H2BC6: variants seen among roughly 807,000 people sequenced by gnomAD.
H2BC6 encodes H2B clustered histone 6.
Under a neutral mutation model 6.1 loss-of-function variants are expected in H2BC6, and 8 were observed. That is an observed-to-expected ratio of 1.31 (90% CI 0.77 to 2.36). The LOEUF (loss-of-function observed/expected upper bound fraction) is 2.36. H2BC6 is among the 30% of genes most tolerant of loss of function. The pLI, the probability that H2BC6 is intolerant of heterozygous loss-of-function variation, is 0.00. For missense variants in H2BC6, 212 were observed against 169.9 expected (o/e 1.25, Z -1.38); for synonymous variants, 136 against 73.9 (o/e 1.84, Z -4.31).
In H2BC6 at chr6:26,184,104, T is replaced by A; in HGVS notation, c.309T>A (p.Leu103=). ...REIQTAVRLL[L]PGELAKHAVS... ...TCCAGACGGCCGTGCGCCTGCTGCT[T>A]CCCGGGGAGCTGGCCAAGCACGCTG... Residue 103 remains leucine (L), a synonymous_variant, in exon 1 of 1, where the codon CTT becomes CTA. Transcript: ENST00000614097. 2 of 1,614,182 alleles carry A rather than the reference T, an allele frequency of 1.2e-6. No homozygotes were observed. The highest frequency in any genetic ancestry group is 1.7e-6 in the Non-Finnish European group (2 of 1,180,036).
At position 26,184,034 on chromosome 6, in the gene H2BC6, G is replaced by A; in HGVS notation, c.239G>A (p.Arg80His). ...GAGCGCATCGCCGGCGAGGCTTCCC[G>A]CCTGGCGCATTACAACAAGCGCTCG... is the stretch of plus-strand genomic sequence containing the variant. ...IFERIAGEAS[R>H]LAHYNKRSTI... Residue 80 changes from arginine (R) to histidine (H), a missense_variant, in exon 1 of 1, where the codon CGC becomes CAC. Coordinates refer to ENST00000614097, the MANE Select transcript of H2BC6 (RefSeq NM_003523.3). 1 of 1,614,178 alleles carries A rather than the reference G, an allele frequency of 6.2e-7. No individual in the cohort carries two copies. Among genetic ancestry groups the A allele is most frequent in the African/African-American group, 1.3e-5 (1 of 75,048 alleles).
In H2BC6 at chr6:26,183,976, G is replaced by A. The variant is rs781085099; in HGVS notation, c.181G>A (p.Gly61Arg). 8 of 1,614,264 alleles carry A rather than the reference G, an allele frequency of 5.0e-6. No homozygotes were observed. Among genetic ancestry groups the A allele is most frequent in the Non-Finnish European group, 6.8e-6 (8 of 1,180,046 alleles). Reference sequence around the variant, plus strand: ...CACCGGCATCTCCTCTAAAGCCATGGGGATCATGAATTCCTTTGTCAACGA... The same window carrying A: ...CACCGGCATCTCCTCTAAAGCCATGAGGATCATGAATTCCTTTGTCAACGA... The part of the protein sequence containing the change: ...PDTGISSKAM[G>R]IMNSFVNDIF... Residue 61 changes from glycine to arginine, a missense_variant, in exon 1 of 1, where the codon GGG (glycine) becomes AGG (arginine). Gly to Arg is a moderately radical substitution (Grantham distance 125). Coordinates refer to ENST00000614097, the MANE Select transcript of H2BC6 (RefSeq NM_003523.3).
rs143792250 is a variant in H2BC6 at position 26,184,080 on chromosome 6, C to A, written c.285C>A (p.Ile95=). Residue 95 remains isoleucine, a synonymous_variant, in exon 1 of 1, where the codon ATC becomes ATA. Coordinates refer to ENST00000614097, the MANE Select transcript of H2BC6 (RefSeq NM_003523.3). Reference sequence around the variant, plus strand: ...GCTCGACCATCACCTCCAGGGAGATCCAGACGGCCGTGCGCCTGCTGCTTC... The same window carrying A: ...GCTCGACCATCACCTCCAGGGAGATACAGACGGCCGTGCGCCTGCTGCTTC... ...NKRSTITSRE[I]QTAVRLLLPG... The A allele has an allele frequency of 4.2e-5, 67 of 1,614,118 alleles. No individual in the cohort carries two copies. Among genetic ancestry groups the A allele is most frequent in the South Asian group, 3.0e-4 (27 of 91,088 alleles).
rs764880184 is a variant in H2BC6, at chr6:26,183,876, C to T, written c.81C>T (p.Gly27=). 18 of 1,614,226 alleles carry T rather than the reference C, an allele frequency of 1.1e-5. No homozygotes were observed. In the Middle Eastern group the frequency reaches 9.9e-4, roughly 89 times the overall value. Residue 27 remains glycine (G), a synonymous_variant, in exon 1 of 1, where the codon GGC becomes GGT. Coordinates refer to ENST00000614097, the MANE Select transcript of H2BC6 (RefSeq NM_003523.3). ...KAVTKAQKKD[G]KKRKRSRKES... ...TGACCAAGGCGCAGAAGAAGGACGG[C>T]AAGAAGCGCAAGCGCAGCCGCAAGG...
Position 26,184,223 on chromosome 6 carries a change from G to A in H2BC6, c.*47G>A, listed in dbSNP as rs1196496684. On this transcript the variant is annotated 3_prime_UTR_variant, in exon 1 of 1. Coordinates refer to ENST00000614097, the MANE Select transcript of H2BC6 (RefSeq NM_003523.3). ...AGTAAACCCAAAGGCTCTTTTCAGA[G>A]CCACTCACCTTTTCACAATTGGAGC... The A allele has an allele frequency of 1.7e-5, 27 of 1,596,848 alleles. No homozygotes were observed. Among genetic ancestry groups the A allele is most frequent in the Non-Finnish European group, 2.1e-5 (25 of 1,172,460 alleles).
rs748248883 is a variant in H2BC6, at chr6:26,183,843, G to A, written c.48G>A (p.Lys16=). ...CTCCCGCCCCGAAGAAGGGCTCCAA[G>A]AAGGCCGTGACCAAGGCGCAGAAGA... The part of the protein sequence containing the change: ...KSAPAPKKGS[K]KAVTKAQKKD... Residue 16 remains lysine, a synonymous_variant, in exon 1 of 1, where the codon AAG becomes AAA. Coordinates refer to ENST00000614097, the MANE Select transcript of H2BC6 (RefSeq NM_003523.3). 1.4e-5 allele frequency: 23 copies of A among 1,614,126 alleles called. No homozygotes were observed. The highest frequency in any genetic ancestry group is 2.2e-5 in the South Asian group (2 of 91,096).
At position 26,183,805 on chromosome 6, in the gene H2BC6, C is replaced by G. The variant is rs201385344; in HGVS notation, c.10C>G (p.Pro4Ala). The G allele has an allele frequency of 6.2e-7, 1 of 1,614,008 alleles. No homozygotes were observed. The highest frequency in any genetic ancestry group is 1.3e-5 in the African/African-American group (1 of 74,912). The change falls in exon 1 of 1, where the codon CCA becomes GCA. Residue 4 changes from proline (P) to alanine (A), a missense_variant. Pro to Ala is a conservative substitution (Grantham distance 27). Coordinates refer to ENST00000614097, the MANE Select transcript of H2BC6 (RefSeq NM_003523.3). Reference sequence around the variant, plus strand: ...GAACAGCAAAGATAGCATGCCTGAGCCAGCGAAATCCGCTCCCGCCCCGAA... The same window carrying G: ...GAACAGCAAAGATAGCATGCCTGAGGCAGCGAAATCCGCTCCCGCCCCGAA... MPE[P>A]AKSAPAPKKG...
At position 26,183,894 on chromosome 6, in the gene H2BC6, C is replaced by T. The variant is rs757397758; in HGVS notation, c.99C>T (p.Ser33=). ...AGGACGGCAAGAAGCGCAAGCGCAGCCGCAAGGAGAGCTACTCCGTATACG... is the reference window on the plus strand; with the variant it reads ...AGGACGGCAAGAAGCGCAAGCGCAGTCGCAAGGAGAGCTACTCCGTATACG... The part of the protein sequence containing the change: ...QKKDGKKRKR[S]RKESYSVYVY... Residue 33 remains serine (S), a synonymous_variant, in exon 1 of 1, where the codon AGC becomes AGT. Coordinates refer to ENST00000614097, the MANE Select transcript of H2BC6 (RefSeq NM_003523.3). 18 of 1,614,272 alleles carry T rather than the reference C, an allele frequency of 1.1e-5. No homozygotes were observed. Among genetic ancestry groups the T allele is most frequent in the Non-Finnish European group, 1.4e-5 (17 of 1,180,050 alleles).
chr6:26,183,984 G>C lies in H2BC6; in HGVS notation c.189G>C (p.Met63Ile). Residue 63 changes from methionine to isoleucine, a missense_variant, in exon 1 of 1, where the codon ATG (methionine) becomes ATC (isoleucine). Coordinates refer to ENST00000614097, the MANE Select transcript of H2BC6 (RefSeq NM_003523.3). ...TGISSKAMGI[M>I]NSFVNDIFER... The stretch of plus-strand genomic sequence containing the variant: ...TCTCCTCTAAAGCCATGGGGATCAT[G>C]AATTCCTTTGTCAACGACATCTTCG... 6 of 1,614,244 alleles carry C rather than the reference G, an allele frequency of 3.7e-6. No homozygotes were observed. The highest frequency in any genetic ancestry group is 5.1e-6 in the Non-Finnish European group (6 of 1,180,046).
Position 26,183,769 on chromosome 6 carries a change from T to C in H2BC6, c.-27T>C. 1.2e-6 allele frequency: 2 copies of C among 1,606,872 alleles called. No homozygotes were observed. Among genetic ancestry groups the C allele is most frequent in the African/African-American group, 1.3e-5 (1 of 74,418 alleles). ...CAGGAGATGTAGATTTCATTTTCTT[T>C]CCTAACTGCAGAACAGCAAAGATAG... On this transcript the variant is annotated 5_prime_UTR_variant, in exon 1 of 1. Coordinates refer to ENST00000614097, the MANE Select transcript of H2BC6 (RefSeq NM_003523.3).
chr6:26,183,772 T>A lies in H2BC6; in HGVS notation c.-24T>A, dbSNP rs994528748. The A allele has an allele frequency of 6.2e-7, 1 of 1,608,110 alleles. No individual in the cohort carries two copies. Among genetic ancestry groups the A allele is most frequent in the African/African-American group, 1.3e-5 (1 of 74,522 alleles). ...GAGATGTAGATTTCATTTTCTTTCC[T>A]AACTGCAGAACAGCAAAGATAGCAT... On this transcript the variant is annotated 5_prime_UTR_variant, in exon 1 of 1. Transcript: ENST00000614097.
rs776216134 is a variant in H2BC6 at position 26,183,944 on chromosome 6, A to G, written c.149A>G (p.His50Arg). 6.2e-7 allele frequency: 1 copy of G among 1,614,198 alleles called. No homozygotes were observed. Residue 50 changes from histidine (H) to arginine (R), a missense_variant, in exon 1 of 1, where the codon CAC becomes CGC. Coordinates refer to ENST00000614097, the MANE Select transcript of H2BC6 (RefSeq NM_003523.3). ...VYVYKVLKQV[H>R]PDTGISSKAM... ...GTGTACAAGGTGCTGAAACAGGTCCACCCCGACACCGGCATCTCCTCTAAA... is the reference window on the plus strand; with the variant it reads ...GTGTACAAGGTGCTGAAACAGGTCCGCCCCGACACCGGCATCTCCTCTAAA...
rs1193515924 is a variant in H2BC6 at position 26,183,859 on chromosome 6, G to C, written c.64G>C (p.Ala22Pro). The C allele has an allele frequency of 1.9e-6, 3 of 1,614,112 alleles. No homozygotes were observed. The highest frequency in any genetic ancestry group is 2.5e-6 in the Non-Finnish European group (3 of 1,180,042). ...KKGSKKAVTK[A>P]QKKDGKKRKR... is the part of the protein sequence containing the mutation. ...GGGCTCCAAGAAGGCCGTGACCAAG[G>C]CGCAGAAGAAGGACGGCAAGAAGCG... The change falls in exon 1 of 1, where the codon GCG (alanine) becomes CCG (proline). Residue 22 changes from alanine to proline, a missense_variant. By Grantham distance (27) the Ala-to-Pro change is conservative (BLOSUM62 -1). Transcript: ENST00000614097.
chr6:26,183,862 C>T lies in H2BC6; in HGVS notation c.67C>T (p.Gln23Ter), dbSNP rs760309477. Residue 23 changes from glutamine (Q) to a stop codon, truncating the protein, a stop_gained, in exon 1 of 1, where the codon CAG becomes TAG. Transcript: ENST00000614097. LOFTEE classifies it high-confidence loss of function. ...CTCCAAGAAGGCCGTGACCAAGGCG[C>T]AGAAGAAGGACGGCAAGAAGCGCAA... The part of the protein sequence containing the change: ...KGSKKAVTKA[Q>*]KKDGKKRKRS... 1.1e-5 allele frequency: 17 copies of T among 1,614,110 alleles called. No homozygotes were observed. Among genetic ancestry groups the T allele is most frequent in the Admixed American group, 5.0e-5 (3 of 60,004 alleles).
At position 26,184,119 on chromosome 6, in the gene H2BC6, C is replaced by T. The variant is rs753085597; in HGVS notation, c.324C>T (p.Ala108=). The T allele has an allele frequency of 1.9e-6, 3 of 1,614,242 alleles. No individual in the cohort carries two copies. Among genetic ancestry groups the T allele is most frequent in the East Asian group, 2.2e-5 (1 of 44,886 alleles). Reference sequence around the variant, plus strand: ...GCCTGCTGCTTCCCGGGGAGCTGGCCAAGCACGCTGTGTCAGAGGGCACCA... The same window carrying T: ...GCCTGCTGCTTCCCGGGGAGCTGGCTAAGCACGCTGTGTCAGAGGGCACCA... ...AVRLLLPGEL[A]KHAVSEGTKA... is the part of the protein sequence containing the mutation. Residue 108 remains alanine (A), a synonymous_variant, in exon 1 of 1, where the codon GCC becomes GCT. Transcript: ENST00000614097.
chr6:26,184,197 T>C lies in H2BC6; in HGVS notation c.*21T>C, dbSNP rs1391520052. 2 of 1,612,698 alleles carry C rather than the reference T, an allele frequency of 1.2e-6. No individual in the cohort carries two copies. Among genetic ancestry groups the C allele is most frequent in the Non-Finnish European group, 1.7e-6 (2 of 1,179,438 alleles). The stretch of plus-strand genomic sequence containing the variant: ...AGTAAACTTGTCCCTGCAACTGCCT[T>C]AGTAAACCCAAAGGCTCTTTTCAGA... On this transcript the variant is annotated 3_prime_UTR_variant, in exon 1 of 1. Transcript: ENST00000614097.
At position 26,183,986 on chromosome 6, in the gene H2BC6, A is replaced by G. The variant is rs1381668292; in HGVS notation, c.191A>G (p.Asn64Ser). The G allele has an allele frequency of 1.2e-6, 2 of 1,614,248 alleles. No homozygotes were observed. The highest frequency in any genetic ancestry group is 1.1e-5 in the South Asian group (1 of 91,086). ...TCCTCTAAAGCCATGGGGATCATGA[A>G]TTCCTTTGTCAACGACATCTTCGAG... ...GISSKAMGIM[N>S]SFVNDIFERI... Residue 64 changes from asparagine (N) to serine (S), a missense_variant, in exon 1 of 1, where the codon AAT becomes AGT. Transcript: ENST00000614097.
chr6:26,183,785 G>A lies in H2BC6; in HGVS notation c.-11G>A, dbSNP rs114173719. Reference sequence around the variant, plus strand: ...CATTTTCTTTCCTAACTGCAGAACAGCAAAGATAGCATGCCTGAGCCAGCG... The same window carrying A: ...CATTTTCTTTCCTAACTGCAGAACAACAAAGATAGCATGCCTGAGCCAGCG... On this transcript the variant is annotated 5_prime_UTR_variant, in exon 1 of 1. Coordinates refer to ENST00000614097, the MANE Select transcript of H2BC6 (RefSeq NM_003523.3). 553 of 1,613,888 alleles carry A rather than the reference G, an allele frequency of 3.4e-4. No individual in the cohort carries two copies. In the African/African-American group the frequency reaches 3.7e-3, roughly 11 times the overall value.
chr6:26,183,872 A>T lies in H2BC6; in HGVS notation c.77A>T (p.Asp26Val). 1 of 1,614,254 alleles carries T rather than the reference A, an allele frequency of 6.2e-7. No individual in the cohort carries two copies. The highest frequency in any genetic ancestry group is 8.5e-7 in the Non-Finnish European group (1 of 1,180,044). ...KKAVTKAQKK[D>V]GKKRKRSRKE... ...GCCGTGACCAAGGCGCAGAAGAAGG[A>T]CGGCAAGAAGCGCAAGCGCAGCCGC... Residue 26 changes from aspartate (D) to valine (V), a missense_variant, in exon 1 of 1, where the codon GAC becomes GTC. By Grantham distance (152) the Asp-to-Val change is radical (BLOSUM62 -3). Coordinates refer to ENST00000614097, the MANE Select transcript of H2BC6 (RefSeq NM_003523.3).
Sources: allele counts gnomAD v4.1 joint callset, GRCh38; gene constraint gnomAD v4.1.1; transcripts MANE v1.5; gene names NCBI Gene and HGNC (gene_info 2026-07-23, HGNC 2026-07-21).